The following PTPRM variants were observed in gnomAD, a reference collection of about 807,000 sequenced individuals.
PTPRM encodes the protein receptor-type tyrosine-protein phosphatase mu.
In PTPRM, 47 loss-of-function variants were observed where a neutral mutation model predicts 186.7. The ratio of observed to expected loss-of-function variants is 0.25; its 90% confidence interval spans 0.20 to 0.32. The LOEUF (loss-of-function observed/expected upper bound fraction) is 0.32. Ranked by LOEUF, PTPRM falls within the 10% of genes least tolerant of loss-of-function variation. The probability of loss-of-function intolerance (pLI) is 1.00; values close to 1 mark genes in which losing one functional copy is unlikely to be tolerated. For missense variants in PTPRM, 1,494 were observed against 1,865.0 expected (o/e 0.80, Z 3.66); for synonymous variants, 668 against 674.9 (o/e 0.99, Z 0.16).
intron 1 of PTPRM, among the ~76,000 whole-genome samples, chr18:7,647,373 T>A (rs1211546465): frequency 6.6e-6 from 1 of 152,202 alleles, no homozygotes; most frequent in Non-Finnish European, 1.5e-5. Context: ...AATATATTTC[T>A]GGGCTTCTCC....
chr18:8,195,834 C>T (rs1226539705), intron 14 of PTPRM, among the ~76,000 whole-genome samples: 1 of 152,078 alleles, frequency 6.6e-6, no homozygotes, highest in Admixed American at 6.6e-5. Flanking sequence ...CAGACTCCAC[C>T]GCTATGCAGT....
At chr18:8,379,363 G>C in intron 28 of PTPRM, 23 bp downstream of exon 28, 1 of 1,582,644 alleles carries the variant, frequency 6.3e-7, no homozygotes, top group Non-Finnish European at 8.6e-7. Flanking sequence ...CTTCCCGCAC[G>C]GGTCCGAGGC....
intron 7 of PTPRM, among the ~76,000 whole-genome samples, chr18:8,047,928 T>G (rs2087180159): frequency 1.3e-5 from 2 of 152,168 alleles, no homozygotes; most frequent in Non-Finnish European, 2.9e-5. Context: ...AGACTCCTCT[T>G]GAAGGACTAC....
chr18:8,001,434 GGTGT>G (rs1795215363), intron 7 of PTPRM, among the ~76,000 whole-genome samples: 1 of 152,102 alleles, frequency 6.6e-6, no homozygotes. Context: ...CATGCGAATG[GGTGT>G]GTGTGTATCT....
intron 7 of PTPRM, among the ~76,000 whole-genome samples, chr18:7,958,649 T>G (rs1194052664): frequency 6.6e-6 from 1 of 152,232 alleles, no homozygotes; most frequent in African/African-American, 2.4e-5. Flanking sequence ...TGCTTTCTGA[T>G]GAGATGATCC....
At chr18:8,361,359 T>C (rs1035132285) in intron 23 of PTPRM, among the ~76,000 whole-genome samples, 26 of 152,212 alleles carry the variant, frequency 1.7e-4, no homozygotes, top group African/African-American at 6.0e-4. Context: ...TACTGAGTGC[T>C]GTTCCCTTCT....
intron 7 of PTPRM, among the ~76,000 whole-genome samples, chr18:8,008,601 T>C (rs932345986): frequency 1.3e-5 from 2 of 152,182 alleles, no homozygotes; most frequent in Non-Finnish European, 2.9e-5. Flanking sequence ...TGTGGTTGGT[T>C]GACAGAGACA....
intron 20 of PTPRM, among the ~76,000 whole-genome samples, chr18:8,302,554 T>TGG (rs1209153913): frequency 6.6e-6 from 1 of 151,950 alleles, no homozygotes; most frequent in East Asian, 1.9e-4. Flanking sequence ...GAAAGTAGGT[T>TGG]CGAAAGGGAC....
chr18:8,230,582 G>A (rs1424478982), intron 14 of PTPRM, among the ~76,000 whole-genome samples: 4 of 152,208 alleles, frequency 2.6e-5, no homozygotes, highest in African/African-American at 9.6e-5. Context: ...CTGGAAGATA[G>A]GGATAATAAT....
chr18:7,612,012 A>T (rs1279789874), intron 1 of PTPRM, among the ~76,000 whole-genome samples: 1 of 152,210 alleles, frequency 6.6e-6, no homozygotes, highest in Non-Finnish European at 1.5e-5. Context: ...GTCTAACTAT[A>T]CGTTTCTCAG....
intron 32 of PTPRM, among the ~76,000 whole-genome samples, chr18:8,405,583 G>T (rs2095901494): frequency 2.0e-5 from 3 of 152,188 alleles, no homozygotes; most frequent in African/African-American, 7.2e-5. Context: ...CTGGATCACG[G>T]ACTTCTCAAA....
intron 7 of PTPRM, among the ~76,000 whole-genome samples, chr18:7,966,081 C>G (rs1325455489): frequency 6.6e-6 from 1 of 152,130 alleles, no homozygotes; most frequent in Non-Finnish European, 1.5e-5. Flanking sequence ...TTGTGTAACA[C>G]TTTTATAAAT....
chr18:7,890,130 A>G (rs7234763), intron 3 of PTPRM, among the ~76,000 whole-genome samples: 53,550 of 152,080 alleles, frequency 0.35, 10,392 homozygotes, highest in East Asian at 0.56. Context: ...ACAGTATTGA[A>G]AATACTCAAT....
At chr18:8,367,815 C>A (rs1029899697) in intron 23 of PTPRM, among the ~76,000 whole-genome samples, 12 of 152,204 alleles carry the variant, frequency 7.9e-5, no homozygotes, top group African/African-American at 2.4e-4. Context: ...ACTCCACTGT[C>A]ATATTTTTGA....
chr18:8,093,347 G>GT (rs144490503), intron 11 of PTPRM, among the ~76,000 whole-genome samples: 9,763 of 152,160 alleles, frequency 0.064, 1,023 homozygotes, highest in African/African-American at 0.22. Context: ...TCAGCACCAT[G>GT]TAAGTGTTTA....
intron 19 of PTPRM, among the ~76,000 whole-genome samples, chr18:8,268,207 A>G (rs1355230813): frequency 6.6e-6 from 1 of 152,120 alleles, no homozygotes; most frequent in Non-Finnish European, 1.5e-5. Context: ...GTTCCTATCC[A>G]TTAATATGGT....
At chr18:8,131,225 GTGGTCTCC>G (rs2092497453) in intron 13 of PTPRM, among the ~76,000 whole-genome samples, 1 of 152,204 alleles carries the variant, frequency 6.6e-6, no homozygotes, top group Admixed American at 6.5e-5. Context: ...TGTGGATGCT[GTGGTCTCC>G]AGGAGCACCG....
At chr18:7,689,077 T>C (rs1332464625) in intron 1 of PTPRM, among the ~76,000 whole-genome samples, 4 of 152,142 alleles carry the variant, frequency 2.6e-5, no homozygotes, top group Non-Finnish European at 5.9e-5. Flanking sequence ...TTCTTAAGGA[T>C]CTGATTATAA....
At chr18:8,153,486 C>T (rs2093056386) in intron 14 of PTPRM, among the ~76,000 whole-genome samples, 1 of 152,164 alleles carries the variant, frequency 6.6e-6, no homozygotes, top group African/African-American at 2.4e-5. Context: ...AGATAATAAT[C>T]TTAAAAGGGT....
Sources: allele counts gnomAD v4.1 joint callset (sites outside exome capture counted in the v4.1 genomes callset), GRCh38; gene constraint gnomAD v4.1.1; transcripts MANE v1.5; gene names NCBI Gene and HGNC (gene_info 2026-07-23, HGNC 2026-07-21).